The following NETO2 variants were observed in gnomAD, a reference collection of about 807,000 sequenced individuals.
The protein encoded by NETO2 is neuropilin and tolloid-like protein 2.
A neutral mutation model predicts 62.5 loss-of-function variants in NETO2; 28 were observed. That is an observed-to-expected ratio of 0.45 (90% CI 0.33 to 0.61). The LOEUF (loss-of-function observed/expected upper bound fraction) is 0.61, where lower values mean the gene tolerates loss of function less well. NETO2 is among the 20% of genes least tolerant of loss of function. The probability of loss-of-function intolerance (pLI) is 0.02; values close to 1 mark genes in which losing one functional copy is unlikely to be tolerated. For missense variants in NETO2, 548 were observed against 643.2 expected, an observed-to-expected ratio of 0.85 and a Z score of 1.60; for synonymous variants, 214 against 219.1, an observed-to-expected ratio of 0.98 and a Z score of 0.21.
chr16:47,130,341 C>T (rs1253720432), intron 2 of NETO2, among the ~76,000 whole-genome samples: 1 of 152,102 alleles, frequency 6.6e-6, no homozygotes, highest in Non-Finnish European at 1.5e-5. Context: ...AGTAACTGAT[C>T]CTTGCCCACA....
chr16:47,122,974 T>G (rs1964072955), intron 4 of NETO2, 62 bp from the exon 5 acceptor site: 1 of 1,466,318 alleles, frequency 6.8e-7, no homozygotes, highest in African/African-American at 1.4e-5. Flanking sequence ...CCTCGATGTC[T>G]TACATTACAT....
intron 6 of NETO2, among the ~76,000 whole-genome samples, chr16:47,120,153 A>C (rs568840062): frequency 7.2e-5 from 11 of 152,300 alleles, no homozygotes; most frequent in South Asian, 6.2e-4. Context: ...CTATATTAAT[A>C]CCTGAGATTT....
intron 1 of NETO2, among the ~76,000 whole-genome samples, chr16:47,139,051 T>C (rs144244546): frequency 6.6e-6 from 1 of 152,340 alleles, no homozygotes; most frequent in Non-Finnish European, 1.5e-5. Flanking sequence ...ATTATTATAT[T>C]ACCTGGTATT....
At chr16:47,119,079 C>G (rs1963984015) in intron 6 of NETO2, among the ~76,000 whole-genome samples, 1 of 151,712 alleles carries the variant, frequency 6.6e-6, no homozygotes, top group Non-Finnish European at 1.5e-5. Flanking sequence ...TGGTTTGTTT[C>G]ATAATAGTTT....
At chr16:47,094,798 A>T (rs1259199813) in intron 7 of NETO2, among the ~76,000 whole-genome samples, 2 of 152,280 alleles carry the variant, frequency 1.3e-5, no homozygotes, top group East Asian at 3.9e-4. Context: ...AGCTCACTCC[A>T]ACCTCTGCCT....
Position 47,078,390 on chromosome 16 carries a change from C to T in NETO2, c.*4831G>A, listed in dbSNP as rs1317125271. The T allele has an allele frequency of 6.6e-6, 1 of 152,172 alleles. No homozygotes were observed. The highest frequency in any genetic ancestry group is 1.5e-5 in the Non-Finnish European group (1 of 68,028). The allele number at this position is 152,172 out of a possible 1,614,324, so 9.4% of individuals were successfully genotyped here. A position where few individuals can be genotyped will look rare whatever the true frequency, so the allele number is the denominator to read the frequency against. On this transcript the variant is annotated 3_prime_UTR_variant, in exon 9 of 9. Coordinates refer to ENST00000562435, the MANE Select transcript of NETO2 (RefSeq NM_018092.5). ...TGCCAAATCTAGGATTAAGCATATTCTCATATGGCCTGGAAGTTCATCTCT... is the reference window on the plus strand; with the variant it reads ...TGCCAAATCTAGGATTAAGCATATTTTCATATGGCCTGGAAGTTCATCTCT...
chr16:47,098,608 G>T (rs1326769169), intron 7 of NETO2, among the ~76,000 whole-genome samples: 5 of 152,150 alleles, frequency 3.3e-5, no homozygotes. Flanking sequence ...CACTCTTCAG[G>T]ATATTATCCA....
chr16:47,124,652 A>G (rs1964117805), intron 4 of NETO2, among the ~76,000 whole-genome samples: 2 of 152,220 alleles, frequency 1.3e-5, no homozygotes, highest in African/African-American at 2.4e-5. Context: ...CTTTTCTCCA[A>G]TGTGACCTCA....
intron 7 of NETO2, among the ~76,000 whole-genome samples, chr16:47,092,522 A>G (rs1338441563): frequency 1.3e-5 from 2 of 152,162 alleles, no homozygotes; most frequent in Non-Finnish European, 1.5e-5. Flanking sequence ...GGGCCATGTT[A>G]TAAGTGCTCA....
chr16:47,129,435 T>C, intron 2 of NETO2, 71 bp from the exon 3 acceptor site: 5 of 1,493,238 alleles, frequency 3.3e-6, no homozygotes, highest in Non-Finnish European at 4.6e-6. Flanking sequence ...CCCCCACCAC[T>C]TTCCAAACGA....
chr16:47,123,348 T>C (rs1031157577), intron 4 of NETO2, among the ~76,000 whole-genome samples: 1 of 152,096 alleles, frequency 6.6e-6, no homozygotes, highest in South Asian at 2.1e-4. Context: ...CACTTAAAAA[T>C]GGTTAAAGAG....
At chr16:47,142,624 A>G (rs1964482991) in intron 1 of NETO2, among the ~76,000 whole-genome samples, 1 of 152,228 alleles carries the variant, frequency 6.6e-6, no homozygotes. Flanking sequence ...TTTCAATTTA[A>G]ATCAGCAGGG....
chr16:47,124,814 C>T (rs1156747459), intron 4 of NETO2, among the ~76,000 whole-genome samples: 2 of 152,200 alleles, frequency 1.3e-5, no homozygotes, highest in East Asian at 3.8e-4. Context: ...ATCCTCCTGA[C>T]ATTAGTCATT....
chr16:47,106,654 T>G (rs1282386966), intron 7 of NETO2, among the ~76,000 whole-genome samples: 1 of 152,176 alleles, frequency 6.6e-6, no homozygotes, highest in African/African-American at 2.4e-5. Flanking sequence ...ACTGCAAATA[T>G]TGGGAATAAC....
At position 47,122,639 on chromosome 16, in the gene NETO2, C is replaced by G. The variant is rs1964063856; in HGVS notation, c.654+18G>C. 4.3e-6 allele frequency: 7 copies of G among 1,609,306 alleles called. No individual in the cohort carries two copies. The highest frequency in any genetic ancestry group is 5.1e-6 in the Non-Finnish European group (6 of 1,178,836). ...ATCATGATGTTCTTCTCTGAAGCGA[C>G]TCAATACATAATAATACCTTAGCTT... On this transcript the variant is annotated intron_variant, in intron 6 of 8. Transcript: ENST00000562435.
chr16:47,129,195 T>C, intron 3 of NETO2, 29 bp downstream of exon 3: 7 of 1,604,734 alleles, frequency 4.4e-6, no homozygotes, highest in Non-Finnish European at 6.0e-6. Context: ...AAGTAAAAAT[T>C]CATCCAATAA....
Position 47,140,669 on chromosome 16 carries a change from AAAGTT to A in NETO2, c.34+2905_34+2909del, listed in dbSNP as rs1280531109. On this transcript the variant is annotated intron_variant, in intron 1 of 8. Transcript: ENST00000562435. ...CCCAACCCCTGGAAGGAAAAGCCAA[AAAGTT>A]GATTTTTAATAAGGCTTTAGTATTA... Among the ~76,000 whole-genome samples the A allele has an allele frequency of 3.3e-4, 51 of 152,366 alleles. 2 individuals carry two copies. Among genetic ancestry groups the A allele is most frequent in the East Asian group, 2.3e-3 (12 of 5,194 alleles).
chr16:47,088,635 T>C (rs1030155453), intron 7 of NETO2, among the ~76,000 whole-genome samples: 1 of 152,162 alleles, frequency 6.6e-6, no homozygotes, highest in Non-Finnish European at 1.5e-5. Flanking sequence ...GATTTTTTTC[T>C]AAATATTATC....
intron 8 of NETO2, among the ~76,000 whole-genome samples, chr16:47,085,809 A>C (rs1419416555): frequency 6.6e-6 from 1 of 152,088 alleles, no homozygotes; most frequent in African/African-American, 2.4e-5. Flanking sequence ...CATTTTTGTC[A>C]AAGCAGCTAT....
Sources: gnomAD v4.1 joint callset for allele counts (sites outside exome capture counted in the v4.1 genomes callset) on GRCh38, gnomAD v4.1.1 for gene constraint, MANE v1.5 for transcripts, NCBI Gene and HGNC (gene_info 2026-07-23, HGNC 2026-07-21) for gene names.